XPO1: variants seen among roughly 807,000 people sequenced by gnomAD.
XPO1 encodes exportin 1.
A neutral mutation model predicts 133.3 loss-of-function variants in XPO1; 5 were observed. That is an observed-to-expected ratio of 0.04 (90% CI 0.02 to 0.08). The LOEUF is 0.08. XPO1 is among the 10% of genes least tolerant of loss of function. The pLI is 1.00. For synonymous variants in XPO1, 419 were observed against 408.2 expected, an observed-to-expected ratio of 1.03 and a Z score of -0.32; for missense variants, 506 against 1,267.5, an observed-to-expected ratio of 0.40 and a Z score of 9.12.
intron 4 of XPO1, among the ~76,000 whole-genome samples, chr2:61,507,345 G>C (rs748896306): frequency 1.3e-5 from 2 of 151,956 alleles, no homozygotes; most frequent in South Asian, 4.1e-4. Flanking sequence ...AGGCTGACAT[G>C]GGAGGAGGGT....
At chr2:61,499,588 A>C (rs1697406082) in intron 7 of XPO1, 125 bp downstream of exon 7, 1,186 of 934,784 alleles carry the variant, frequency 1.3e-3, no homozygotes, top group Middle Eastern at 2.1e-3. Context: ...TGCAGTTGAA[A>C]ACCACTACAA....
rs1491506588 is a variant in XPO1, at chr2:61,482,033, C to CTTTTTTTTTTTTTTTTTTTTTTT, written c.2972+346_2972+347insAAAAAAAAAAAAAAAAAAAAAAA. ...TACAGTCATGAGCCACCGTGCGTGG[C>CTTTTTTTTTTTTTTTTTTTTTTT]CTTTTTTTTTTTTTTTTTTTTTTTG... On this transcript the variant is annotated intron_variant, in intron 23 of 24. Transcript: ENST00000401558. Among the ~76,000 whole-genome samples, 69 of 86,826 alleles carry CTTTTTTTTTTTTTTTTTTTTTTT rather than the reference C, an allele frequency of 7.9e-4. 13 individuals carry two copies. The highest frequency in any genetic ancestry group is 1.1e-3 in the Non-Finnish European group (46 of 40,034). The allele number at this position is 86,826 out of a possible 152,430, so 57.0% of individuals were successfully genotyped here.
chr2:61,530,874 T>A (rs1699122097), intron 2 of XPO1, among the ~76,000 whole-genome samples: 1 of 152,124 alleles, frequency 6.6e-6, no homozygotes, highest in African/African-American at 2.4e-5. Flanking sequence ...GTATCACATA[T>A]GCTAAATCAT....
intron 24 of XPO1, chr2:61,480,578 G>GC (rs1340066976): frequency 2.0e-5 from 3 of 151,616 alleles, no homozygotes; most frequent in Non-Finnish European, 4.4e-5. Context: ...ACTGCGCCCA[G>GC]CCTAGGTAAC....
At chr2:61,536,588 T>C (rs1375330608) in intron 1 of XPO1, 1 of 152,300 alleles carries the variant, frequency 6.6e-6, no homozygotes, top group East Asian at 1.9e-4. Flanking sequence ...CCTTAGGTTG[T>C]GTGGGCAATC....
rs768112325 is a variant in XPO1 at position 61,481,269 on chromosome 2, C to G, written c.2985G>C (p.Lys995Asn). The G allele has an allele frequency of 6.2e-7, 1 of 1,610,370 alleles. No homozygotes were observed. The highest frequency in any genetic ancestry group is 1.1e-5 in the South Asian group (1 of 90,416). ...AFPHLQDAQVKLFVTGLFSLN... is the reference protein window; with the variant it reads ...AFPHLQDAQVNLFVTGLFSLN... ...AGCTGAAAAGCCCTGTCACAAAGAG[C>G]TTTACTTGAGCACTGCAAATCAAAA... is the stretch of plus-strand genomic sequence containing the variant. The change falls in exon 24 of 25, where the codon AAG becomes AAC. Residue 995 changes from lysine (K) to asparagine (N), a missense_variant. Lys to Asn is a moderately conservative substitution (Grantham distance 94). Around this residue, in one of 6 missense-constraint regions of XPO1, gnomAD observed 203 missense variants for 365.9 expected, o/e 0.55. Transcript: ENST00000401558.
Position 61,498,695 on chromosome 2 carries a change from A to G in XPO1, c.737T>C (p.Leu246Ser), listed in dbSNP as rs1217218857. The change falls in exon 9 of 25, where the codon TTA becomes TCA. Residue 246 changes from leucine (L) to serine (S), a missense_variant. This residue lies in a region of XPO1 where 134 missense variants were observed against 261.6 expected (regional missense o/e 0.51). Transcript: ENST00000401558. ...IPLGYIFETKLISTLIYKFLN... is the reference protein window; with the variant it reads ...IPLGYIFETKSISTLIYKFLN... ...TACCTTATAAATCAATGTGCTGATT[A>G]ATTTGGTCTCAAAAATATATCCCAG... 1 of 1,614,012 alleles carries G rather than the reference A, an allele frequency of 6.2e-7. No homozygotes were observed.
chr2:61,536,612 A>C (rs777452986), intron 1 of XPO1: 3 of 152,300 alleles, frequency 2.0e-5, no homozygotes, highest in East Asian at 1.9e-4. Flanking sequence ...CGCTTCATTC[A>C]GGAAAAACAC....
intron 4 of XPO1, among the ~76,000 whole-genome samples, chr2:61,520,145 A>G (rs927607179): frequency 6.6e-6 from 1 of 152,216 alleles, no homozygotes; most frequent in Non-Finnish European, 1.5e-5. Context: ...TAGTTGGACA[A>G]AGGGTATAGC....
intron 16 of XPO1, among the ~76,000 whole-genome samples, chr2:61,491,467 C>A (rs199599924): frequency 1.2e-4 from 7 of 57,724 alleles, no homozygotes; most frequent in Non-Finnish European, 3.2e-4. Flanking sequence ...CAAACACACA[C>A]ACACACACAC....
intron 3 of XPO1, among the ~76,000 whole-genome samples, chr2:61,523,877 T>C (rs1698801302): frequency 6.6e-6 from 1 of 152,216 alleles, no homozygotes. Flanking sequence ...ACTAAAGTAC[T>C]ACATTTGCAG....
At chr2:61,535,853 T>G (rs1040654436) in intron 1 of XPO1, among the ~76,000 whole-genome samples, 1 of 152,212 alleles carries the variant, frequency 6.6e-6, no homozygotes, top group African/African-American at 2.4e-5. Context: ...CAAATGAATG[T>G]GTAAACTCTC....
chr2:61,529,000 G>A (rs1699039067), intron 2 of XPO1, among the ~76,000 whole-genome samples: 1 of 151,734 alleles, frequency 6.6e-6, no homozygotes, highest in African/African-American at 2.4e-5. Flanking sequence ...GTAATCCCAG[G>A]AGTTCAAGAC....
chr2:61,482,608 TTTTG>T (rs1211115204), intron 22 of XPO1, 69 bp from the exon 23 acceptor site: 380 of 1,286,772 alleles, frequency 3.0e-4, no homozygotes, highest in Admixed American at 1.1e-3. Flanking sequence ...TTTTTTTTTG[TTTTG>T]TTTTTTTTTT....
chr2:61,525,041 C>T (rs1458094310), intron 3 of XPO1, among the ~76,000 whole-genome samples: 1 of 151,990 alleles, frequency 6.6e-6, no homozygotes, highest in Admixed American at 6.6e-5. Flanking sequence ...TTTTGCCTTA[C>T]ATCTCCAAAC....
chr2:61,497,610 A>G (rs958895268), intron 9 of XPO1, among the ~76,000 whole-genome samples: 2 of 152,208 alleles, frequency 1.3e-5, no homozygotes, highest in Non-Finnish European at 2.9e-5. Context: ...CTTTCTGTGT[A>G]ATTACACAGG....
chr2:61,527,534 G>A (rs1211232407), intron 2 of XPO1, among the ~76,000 whole-genome samples: 2 of 152,094 alleles, frequency 1.3e-5, no homozygotes, highest in Non-Finnish European at 2.9e-5. Context: ...GTTATGTAAT[G>A]TAGCAGGACA....
At chr2:61,524,268 T>C (rs1698818816) in intron 3 of XPO1, among the ~76,000 whole-genome samples, 1 of 152,178 alleles carries the variant, frequency 6.6e-6, no homozygotes, top group Non-Finnish European at 1.5e-5. Flanking sequence ...ATAAATATAG[T>C]TACAAATAAA....
rs1231600527 is a variant in XPO1, at chr2:61,482,033, CCTTTTT to C, written c.2972+341_2972+346del. On this transcript the variant is annotated intron_variant, in intron 23 of 24. Transcript: ENST00000401558. ...TACAGTCATGAGCCACCGTGCGTGG[CCTTTTT>C]TTTTTTTTTTTTTTTTTTGCTTTTT... 9.3e-4 allele frequency among the ~76,000 whole-genome samples: 81 copies of C among 86,838 alleles called. 7 individuals carry two copies. The East Asian group carries it at 0.016, about 17-fold the overall frequency. 57.0% of individuals were successfully genotyped at this position (86,838 alleles called of 152,430 possible). A position where few individuals can be genotyped will look rare whatever the true frequency, so the allele number is the denominator to read the frequency against.
Sources: allele counts gnomAD v4.1 joint callset (sites outside exome capture counted in the v4.1 genomes callset), GRCh38; gene constraint gnomAD v4.1.1; regional missense constraint gnomAD v4.1.1; transcripts MANE v1.5; gene names NCBI Gene and HGNC (gene_info 2026-07-23, HGNC 2026-07-21).